FAM135A: variants seen among roughly 807,000 people sequenced by gnomAD.
The protein encoded by FAM135A is family with sequence similarity 135 member A.
FAM135A carries 79 observed loss-of-function variants against 146.8 expected under a neutral mutation model. That is an observed-to-expected ratio of 0.54 (90% CI 0.45 to 0.65). The LOEUF is 0.65. FAM135A is among the 30% of genes least tolerant of loss of function. FAM135A has a pLI of 0.00. For synonymous variants in FAM135A, 562 were observed against 603.6 expected (o/e 0.93, Z 1.01); for missense variants, 1,623 against 1,758.2 (o/e 0.92, Z 1.38).
At chr6:70,553,987 A>G (rs1800341769) in intron 20 of FAM135A, among the ~76,000 whole-genome samples, 1 of 152,194 alleles carries the variant, frequency 6.6e-6, no homozygotes, top group African/African-American at 2.4e-5. Flanking sequence ...GAATTTAAGA[A>G]AGATAGCAAG....
At position 70,501,719 on chromosome 6, in the gene FAM135A, G is replaced by A. The variant is rs1582590231; in HGVS notation, c.874-917G>A. ...TAGCACAGCCCTCATGGCTTTGCTT[G>A]GCTTGGGGAGGGAGGTCCCCTGGCT... On this transcript the variant is annotated intron_variant, in intron 11 of 21. Transcript: ENST00000418814. Among the ~76,000 whole-genome samples the A allele has an allele frequency of 4.6e-5, 7 of 152,174 alleles. No individual in the cohort carries two copies. The South Asian group carries it at 1.2e-3, about 27-fold the overall frequency.
chr6:70,422,651 T>C (rs1769115090), intron 2 of FAM135A, among the ~76,000 whole-genome samples: 1 of 152,228 alleles, frequency 6.6e-6, no homozygotes, highest in African/African-American at 2.4e-5. Context: ...AGGAATTTTA[T>C]CACCAAAATT....
At chr6:70,437,883 A>G (rs1468408315) in intron 4 of FAM135A, among the ~76,000 whole-genome samples, 1 of 152,186 alleles carries the variant, frequency 6.6e-6, no homozygotes, top group Non-Finnish European at 1.5e-5. Flanking sequence ...TTAATAAAAC[A>G]TGGAACGGGA....
At chr6:70,495,969 G>C (rs1318875127) in intron 11 of FAM135A, among the ~76,000 whole-genome samples, 1 of 152,062 alleles carries the variant, frequency 6.6e-6, no homozygotes, top group East Asian at 1.9e-4. Flanking sequence ...ACATGAACTT[G>C]TCCTTTTTTA....
chr6:70,533,198 G>A lies in FAM135A; in HGVS notation c.3814G>A (p.Glu1272Lys), dbSNP rs761579990. The change falls in exon 17 of 22, where the codon GAA (glutamate) becomes AAA (lysine). Residue 1272 changes from glutamate to lysine, a missense_variant. Physicochemically the swap from Glu to Lys is moderately conservative, Grantham distance 56. Around this residue, in one of 7 missense-constraint regions of FAM135A, gnomAD observed 1,061 missense variants for 1,113.8 expected, o/e 0.95. Coordinates refer to ENST00000418814, the MANE Select transcript of FAM135A (RefSeq NM_001162529.3). The part of the protein sequence containing the change: ...ADLRLVKTYI[E>K]LGLPGGRIDF... Reference sequence around the variant, plus strand: ...TCTCCGATTAGTAAAAACTTACATTGAACTTGGATTGCCTGGGGGAAGAAT... The same window carrying A: ...TCTCCGATTAGTAAAAACTTACATTAAACTTGGATTGCCTGGGGGAAGAAT... The A allele has an allele frequency of 1.4e-5, 22 of 1,612,804 alleles. No homozygotes were observed. The East Asian group carries it at 2.0e-4, about 15-fold the overall frequency.
chr6:70,482,082 G>C lies in FAM135A; in HGVS notation c.751G>C (p.Ala251Pro). ...HYTLCATLLL[A>P]FKGLHSYFIT... ...TACACTTTGTGCCACTTTGCTGCTA[G>C]CCTTCAAGGGATTGCACAGCTACTT... Residue 251 changes from alanine (A) to proline (P), a missense_variant, in exon 10 of 22, where the codon GCC becomes CCC. Physicochemically the swap from Ala to Pro is conservative, Grantham distance 27. Transcript: ENST00000418814. The C allele has an allele frequency of 6.2e-7, 1 of 1,613,764 alleles. No individual in the cohort carries two copies. The highest frequency in any genetic ancestry group is 2.2e-5 in the East Asian group (1 of 44,806).
At chr6:70,481,686 TATAAA>T (rs1783733532) in intron 9 of FAM135A, among the ~76,000 whole-genome samples, 1 of 151,726 alleles carries the variant, frequency 6.6e-6, no homozygotes, top group Non-Finnish European at 1.5e-5. Flanking sequence ...CAGCTATTAT[TATAAA>T]AGAAAAGGGG....
intron 4 of FAM135A, among the ~76,000 whole-genome samples, chr6:70,435,099 ATATATATATATT>A (rs1244717415): frequency 1.1e-4 from 13 of 118,080 alleles, no homozygotes; most frequent in South Asian, 3.0e-4. Context: ...ATATATATAT[ATATATATATATT>A]TTTTTTTTTT....
At chr6:70,538,814 T>TATTAC (rs1261459943) in intron 20 of FAM135A, among the ~76,000 whole-genome samples, 3 of 118,778 alleles carry the variant, frequency 2.5e-5, no homozygotes, top group Non-Finnish European at 3.4e-5. Flanking sequence ...TGTTATATTA[T>TATTAC]ATTATATTAT....
intron 20 of FAM135A, among the ~76,000 whole-genome samples, chr6:70,540,143 G>A (rs1236376756): frequency 6.6e-6 from 1 of 152,068 alleles, no homozygotes; most frequent in African/African-American, 2.4e-5. Flanking sequence ...GCATCACCAT[G>A]CCTTTCTCAA....
rs1801636450 is a variant in FAM135A at position 70,559,908 on chromosome 6, A to G, written c.4535A>G (p.Lys1512Arg). ...AAATTCTTTCTGGTTGCTGCCCTCA[A>G]ATATTTCCAATAGTATAAAAGCATT... ...LEKFFLVAAL[K>R]YFQ The change falls in exon 22 of 22, where the codon AAA (lysine) becomes AGA (arginine). Residue 1512 changes from lysine (K) to arginine (R), a missense_variant. This residue lies in a region of FAM135A where 138 missense variants were observed against 174.1 expected (regional missense o/e 0.79). Coordinates refer to ENST00000418814, the MANE Select transcript of FAM135A (RefSeq NM_001162529.3). 4 of 1,612,310 alleles carry G rather than the reference A, an allele frequency of 2.5e-6. No individual in the cohort carries two copies. The highest frequency in any genetic ancestry group is 2.2e-5 in the South Asian group (2 of 90,952).
At chr6:70,516,011 C>T (rs1412713024) in intron 12 of FAM135A, among the ~76,000 whole-genome samples, 2 of 151,914 alleles carry the variant, frequency 1.3e-5, no homozygotes, top group East Asian at 1.9e-4. Context: ...CTGATTTTAT[C>T]TCGATTGTAG....
chr6:70,490,923 C>T, intron 10 of FAM135A, 111 bp from the exon 11 acceptor site: 1 of 563,214 alleles, frequency 1.8e-6, no homozygotes, highest in Non-Finnish European at 2.8e-6. Context: ...AAATTTAATT[C>T]ATTGAATACA....
At chr6:70,442,257 T>TTTTG in intron 4 of FAM135A, among the ~76,000 whole-genome samples, 1 of 150,886 alleles carries the variant, frequency 6.6e-6, no homozygotes, top group African/African-American at 2.4e-5. Context: ...TTTTTTTTTT[T>TTTTG]GCCGAGATAT....
At chr6:70,454,599 G>A (rs1404914498) in intron 5 of FAM135A, among the ~76,000 whole-genome samples, 2 of 152,180 alleles carry the variant, frequency 1.3e-5, no homozygotes, top group African/African-American at 4.8e-5. Context: ...GTGTAAGGAA[G>A]GGGTCCAGTT....
chr6:70,504,994 A>G (rs1021360914), intron 12 of FAM135A: 2 of 151,824 alleles, frequency 1.3e-5, no homozygotes, highest in African/African-American at 4.8e-5. Flanking sequence ...GAGTACTTCT[A>G]TATAATTTTC....
intron 4 of FAM135A, among the ~76,000 whole-genome samples, chr6:70,438,576 G>T (rs953427737): frequency 1.3e-5 from 2 of 152,172 alleles, no homozygotes; most frequent in Admixed American, 1.3e-4. Context: ...TAGTATCACA[G>T]TGCTTGTTTC....
Position 70,464,658 on chromosome 6 carries a change from C to CTTTTTTTTTTTTTTTTTTTT in FAM135A, c.158-10744_158-10743insTTTTTTTTTTTTTTTTTTTT, listed in dbSNP as rs754818109. 2.8e-4 allele frequency among the ~76,000 whole-genome samples: 28 copies of CTTTTTTTTTTTTTTTTTTTT among 100,410 alleles called. 3 individuals are homozygous for CTTTTTTTTTTTTTTTTTTTT. The highest frequency in any genetic ancestry group is 1.0e-3 in the African/African-American group (27 of 26,676). 65.9% of individuals were successfully genotyped at this position (100,410 alleles called of 152,430 possible). A position where few individuals can be genotyped will look rare whatever the true frequency, so the allele number is the denominator to read the frequency against. On this transcript the variant is annotated intron_variant, in intron 5 of 21. Transcript: ENST00000418814. ...TTTAAATTTCTTTCTTTCTTTCTTT[C>CTTTTTTTTTTTTTTTTTTTT]TTTTTTTTCTTTTTTTTTTTTTTTT...
At position 70,544,529 on chromosome 6, in the gene FAM135A, A is replaced by C. The variant is rs540859088; in HGVS notation, c.4228+6128A>C. On this transcript the variant is annotated intron_variant, in intron 20 of 21. Transcript: ENST00000418814. ...GGCAACAAGAGCAAAACTCCATCCC[A>C]AAAAAAAGAAGACCAGCCTGGGCAA... Among the ~76,000 whole-genome samples the C allele has an allele frequency of 6.6e-5, 10 of 151,722 alleles. No individual in the cohort carries two copies. The South Asian group carries it at 1.3e-3, about 19-fold the overall frequency.
Sources: allele counts gnomAD v4.1 joint callset (sites outside exome capture counted in the v4.1 genomes callset), GRCh38; gene constraint gnomAD v4.1.1; regional missense constraint gnomAD v4.1.1; transcripts MANE v1.5; gene names NCBI Gene and HGNC (gene_info 2026-07-23, HGNC 2026-07-21).